Variants in DPP10 observed in about 807,000 individuals in gnomAD.
DPP10 encodes the protein dipeptidyl peptidase like 10, also known as inactive dipeptidyl peptidase 10.
A neutral mutation model predicts 120.9 loss-of-function variants in DPP10; 33 were observed. That is an observed-to-expected ratio of 0.27 (90% CI 0.21 to 0.37). The LOEUF (loss-of-function observed/expected upper bound fraction) is 0.37. DPP10 is among the 10% of genes least tolerant of loss of function. The probability of loss-of-function intolerance (pLI) is 1.00; values close to 1 mark genes in which losing one functional copy is unlikely to be tolerated. For synonymous variants in DPP10, 337 were observed against 326.1 expected, an observed-to-expected ratio of 1.03 and a Z score of -0.36; for missense variants, 816 against 942.8, an observed-to-expected ratio of 0.87 and a Z score of 1.76.
chr2:114,661,577 G>A (rs752822972), intron 1 of DPP10, among the ~76,000 whole-genome samples: 4 of 152,142 alleles, frequency 2.6e-5, no homozygotes, highest in Non-Finnish European at 4.4e-5. Context: ...CTCCATCTTA[G>A]ACATCTTTGC....
At chr2:115,515,012 T>C (rs2077427213) in intron 4 of DPP10, among the ~76,000 whole-genome samples, 1 of 151,910 alleles carries the variant, frequency 6.6e-6, no homozygotes, top group Admixed American at 6.6e-5. Flanking sequence ...TATATTTAAT[T>C]TCAACAGTAC....
At chr2:114,595,995 A>G (rs1691875712) in intron 1 of DPP10, among the ~76,000 whole-genome samples, 1 of 152,120 alleles carries the variant, frequency 6.6e-6, no homozygotes, top group Non-Finnish European at 1.5e-5. Context: ...TCATTTGAGG[A>G]TGAAGCTCCT....
In DPP10 at chr2:115,408,353, G is replaced by A. The variant is rs577470089; in HGVS notation, c.271+64441G>A. On this transcript the variant is annotated intron_variant, in intron 3 of 25. Transcript: ENST00000410059. ...TCAGAAAGAATCAGCTGGGAAAAGG[G>A]CAGGCTTCATCTGGGATGGGCAGCC... 2.2e-4 allele frequency among the ~76,000 whole-genome samples: 33 copies of A among 152,236 alleles called. No homozygotes were observed. In the South Asian group the frequency reaches 6.9e-3, roughly 32 times the overall value.
chr2:115,393,725 T>C (rs1333640080), intron 3 of DPP10, among the ~76,000 whole-genome samples: 1 of 152,226 alleles, frequency 6.6e-6, no homozygotes, highest in East Asian at 1.9e-4. Flanking sequence ...TTTGCATAAC[T>C]ACAGAACTCA....
At chr2:115,161,552 A>C (rs2052355734) in intron 1 of DPP10, 3 of 151,974 alleles carry the variant, frequency 2.0e-5, no homozygotes, top group Admixed American at 6.6e-5. Context: ...CGCGCTGAGC[A>C]CCGCGCGGGG....
rs572867310 is a variant in DPP10 at position 115,684,869 on chromosome 2, T to C, written c.442-4818T>C. On this transcript the variant is annotated intron_variant, in intron 5 of 25. Coordinates refer to ENST00000410059, the MANE Select transcript of DPP10 (RefSeq NM_020868.6). ...TCCAAAATGAAATCTCTCTTAACTC[T>C]GGTAATCAATTAATTCATACATATT... is the stretch of plus-strand genomic sequence containing the variant. Among the ~76,000 whole-genome samples, 12 of 152,102 alleles carry C rather than the reference T, an allele frequency of 7.9e-5. No individual in the cohort carries two copies. In the South Asian group the frequency reaches 2.5e-3, roughly 31 times the overall value.
At chr2:114,960,666 T>A (rs1028570916) in intron 1 of DPP10, among the ~76,000 whole-genome samples, 4 of 152,112 alleles carry the variant, frequency 2.6e-5, no homozygotes, top group African/African-American at 9.7e-5. Context: ...ACTCGCACAG[T>A]GGTGATAGGT....
intron 1 of DPP10, among the ~76,000 whole-genome samples, chr2:115,228,704 G>A (rs1244668270): frequency 6.6e-6 from 1 of 152,026 alleles, no homozygotes; most frequent in Non-Finnish European, 1.5e-5. Flanking sequence ...CAAATGACAG[G>A]ATCTCATACT....
At position 115,813,409 on chromosome 2, in the gene DPP10, A is replaced by G. The variant is rs1046181727; in HGVS notation, c.1701-1384A>G. ...AGTCCCACTGTAACTGTGCACCTCTAGAGTCTTTTGTGTGTGCAAATTTCC... is the reference window on the plus strand; with the variant it reads ...AGTCCCACTGTAACTGTGCACCTCTGGAGTCTTTTGTGTGTGCAAATTTCC... On this transcript the variant is annotated intron_variant, in intron 19 of 25. Coordinates refer to ENST00000410059, the MANE Select transcript of DPP10 (RefSeq NM_020868.6). 4.6e-5 allele frequency among the ~76,000 whole-genome samples: 7 copies of G among 152,276 alleles called. No individual in the cohort carries two copies. The Middle Eastern group carries it at 0.01, about 222-fold the overall frequency.
At chr2:115,326,287 C>T (rs1318729996) in intron 2 of DPP10, among the ~76,000 whole-genome samples, 2 of 151,958 alleles carry the variant, frequency 1.3e-5, no homozygotes, top group African/African-American at 2.4e-5. Context: ...GTGACACAAC[C>T]GTAGTAAGGT....
intron 1 of DPP10, among the ~76,000 whole-genome samples, chr2:115,021,532 G>A (rs1043396234): frequency 1.3e-5 from 2 of 151,548 alleles, no homozygotes; most frequent in Admixed American, 6.6e-5. Context: ...TTTAAAAATT[G>A]ACAAAAACTG....
At chr2:115,523,449 G>C (rs573653057) in intron 4 of DPP10, among the ~76,000 whole-genome samples, 2 of 146,498 alleles carry the variant, frequency 1.4e-5, no homozygotes, top group Non-Finnish European at 3.0e-5. Flanking sequence ...ATAATGTAAG[G>C]CTTATGAAAA....
At chr2:115,000,291 T>C in intron 1 of DPP10, among the ~76,000 whole-genome samples, 1 of 152,088 alleles carries the variant, frequency 6.6e-6, no homozygotes, top group East Asian at 1.9e-4. Context: ...TTTGAACACC[T>C]AGGATTGCCA....
intron 1 of DPP10, among the ~76,000 whole-genome samples, chr2:114,751,812 C>T (rs1407112620): frequency 6.6e-6 from 1 of 152,204 alleles, no homozygotes; most frequent in African/African-American, 2.4e-5. Context: ...AAATCTTGTT[C>T]TCTTCTCCTG....
intron 5 of DPP10, among the ~76,000 whole-genome samples, chr2:115,572,828 C>T (rs1407299474): frequency 1.3e-5 from 2 of 152,090 alleles, no homozygotes; most frequent in Non-Finnish European, 2.9e-5. Flanking sequence ...ACTTTAAAAA[C>T]CTTTGGAGTA....
chr2:115,416,854 A>G (rs1315346326), intron 3 of DPP10, among the ~76,000 whole-genome samples: 1 of 152,204 alleles, frequency 6.6e-6, no homozygotes, highest in Non-Finnish European at 1.5e-5. Flanking sequence ...AGCAGTTTAT[A>G]TAAAGAGATT....
chr2:114,812,618 A>ACACACACACACAC (rs1558766410), intron 1 of DPP10, among the ~76,000 whole-genome samples: 24 of 149,956 alleles, frequency 1.6e-4, no homozygotes, highest in South Asian at 6.4e-4. Context: ...ACACACACAC[A>ACACACACACACAC]ATTATAATTA....
intron 5 of DPP10, among the ~76,000 whole-genome samples, chr2:115,584,390 G>A (rs1251666980): frequency 6.6e-6 from 1 of 152,134 alleles, no homozygotes; most frequent in Non-Finnish European, 1.5e-5. Context: ...AGAAGGGAGG[G>A]ATGGATTATG....
At chr2:115,067,105 G>A (rs942481657) in intron 1 of DPP10, among the ~76,000 whole-genome samples, 1 of 151,906 alleles carries the variant, frequency 6.6e-6, no homozygotes, top group South Asian at 2.1e-4. Flanking sequence ...TTTTCTCTCT[G>A]TTTCTATGAG....
Sources: gnomAD v4.1 joint callset for allele counts (sites outside exome capture counted in the v4.1 genomes callset) on GRCh38, gnomAD v4.1.1 for gene constraint, MANE v1.5 for transcripts, NCBI Gene and HGNC (gene_info 2026-07-23, HGNC 2026-07-21) for gene names.